The following DPRX variants were observed in gnomAD, a reference collection of about 807,000 sequenced individuals.
The protein encoded by DPRX is divergent-paired related homeobox.
In DPRX, 11 loss-of-function variants were observed where a neutral mutation model predicts 8.4. The observed-to-expected ratio is 1.31, with a 90% confidence interval of 0.82 to 2.17. The LOEUF (loss-of-function observed/expected upper bound fraction) is 2.17. Among genes scored for constraint, DPRX ranks in the 30% most tolerant of loss-of-function variants. DPRX has a pLI of 0.00. For missense variants in DPRX, 211 were observed against 236.7 expected (o/e 0.89, Z 0.71); for synonymous variants, 72 against 87.0 (o/e 0.83, Z 0.96).
At position 53,636,481 on chromosome 19, in the gene DPRX, TATAA is replaced by T. The variant is rs199917443; in HGVS notation, c.184-105_184-102del. The T allele has an allele frequency of 1.4e-3, 1,230 of 892,572 alleles. 20 individuals carry two copies. In the East Asian group the frequency reaches 0.028, roughly 20 times the overall value. 55.3% of individuals were successfully genotyped at this position (892,572 alleles called of 1,614,324 possible). On this transcript the variant is annotated intron_variant, in intron 2 of 2. Transcript: ENST00000376650. ...AAAACTTAAAGGTTAAAAAAAAGAA[TATAA>T]ATAAATAAAATACGTTTAACAAAAT...
the DPRX span, among the ~76,000 whole-genome samples, chr19:53,618,703 G>A: frequency 8.1e-6 from 1 of 122,934 alleles, no homozygotes; most frequent in South Asian, 2.6e-4. Flanking sequence ...TTTTTTTTTG[G>A]ACGGAGACTT....
the DPRX span, among the ~76,000 whole-genome samples, chr19:53,609,793 T>G: frequency 0.44 from 66,642 of 151,614 alleles, 14,995 homozygotes; most frequent in African/African-American, 0.52. Context: ...GGGACCAGCC[T>G]GGCCAACATG....
At chr19:53,631,575 A>G (rs530070852), upstream of DPRX, among the ~76,000 whole-genome samples, 5 of 152,158 alleles carry the variant, frequency 3.3e-5, no homozygotes, top group South Asian at 2.1e-4. Flanking sequence ...CCTGGCCAAC[A>G]TGGCGGAAAC....
chr19:53,632,617 G>C (rs1270556167), intron 1 of DPRX, among the ~76,000 whole-genome samples: 9 of 151,770 alleles, frequency 5.9e-5, no homozygotes, highest in Non-Finnish European at 1.3e-4. Flanking sequence ...CCCAAGTTTT[G>C]TATCTTTATA....
chr19:53,612,141 TG>T, the DPRX span, among the ~76,000 whole-genome samples: 19 of 148,946 alleles, frequency 1.3e-4, no homozygotes, highest in Non-Finnish European at 2.8e-4. Context: ...ACTAACACAT[TG>T]GGGGGCCAAG....
the DPRX span, among the ~76,000 whole-genome samples, chr19:53,619,517 A>G: frequency 6.6e-6 from 1 of 152,038 alleles, no homozygotes; most frequent in Non-Finnish European, 1.5e-5. Flanking sequence ...TCTACTAAAA[A>G]TACAAAAATT....
chr19:53,610,095 G>T, the DPRX span, among the ~76,000 whole-genome samples: 2 of 145,966 alleles, frequency 1.4e-5, no homozygotes, highest in African/African-American at 2.5e-5. Context: ...AGGTTGCCGT[G>T]AGCCGAGATT....
the DPRX span, among the ~76,000 whole-genome samples, chr19:53,616,047 G>T: frequency 4.6e-4 from 70 of 152,268 alleles, no homozygotes; most frequent in African/African-American, 1.5e-3. Context: ...AAGGTCAGCA[G>T]TTCGAGACCA....
the DPRX span, chr19:53,617,199 T>A: frequency 1.5e-5 from 14 of 914,224 alleles, no homozygotes; most frequent in Non-Finnish European, 2.6e-5. Flanking sequence ...CTATTGAGTT[T>A]TTTTCACGGC....
At chr19:53,618,099 TGCC>T in the DPRX span, among the ~76,000 whole-genome samples, 1 of 143,976 alleles carries the variant, frequency 6.9e-6, no homozygotes, top group Non-Finnish European at 1.6e-5. Flanking sequence ...CCTAGATCGC[TGCC>T]ACTGCACTCC....
exon 2 of DPRX, chr19:53,634,652 C>A: frequency 6.2e-7 from 1 of 1,613,924 alleles, no homozygotes; most frequent in Non-Finnish European, 8.5e-7. Flanking sequence ...AAGAAATGGC[C>A]TCGAAAATAG....
At chr19:53,608,128 G>A in the DPRX span, 6 of 141,426 alleles carry the variant, frequency 4.2e-5, no homozygotes, top group African/African-American at 1.6e-4. Context: ...CCGAGATCGT[G>A]CCACTGCACT....
the DPRX span, among the ~76,000 whole-genome samples, chr19:53,608,877 G>T: frequency 6.8e-6 from 1 of 147,156 alleles, no homozygotes; most frequent in Non-Finnish European, 1.5e-5. Flanking sequence ...ATGGTGTGAA[G>T]CTGGGAGGCA....
the DPRX span, among the ~76,000 whole-genome samples, chr19:53,619,690 CAAAAAA>C: frequency 9.3e-6 from 1 of 107,798 alleles, no homozygotes; most frequent in Non-Finnish European, 2.1e-5. Context: ...AAAAAAAAAA[CAAAAAA>C]CAGAAAAAAT....
the DPRX span, among the ~76,000 whole-genome samples, chr19:53,609,466 C>CAAAAAAAAAAAAAAAAAAAAAAAAAAAA: frequency 1.8e-5 from 1 of 55,486 alleles, no homozygotes; most frequent in Non-Finnish European, 3.1e-5. Context: ...GACTCGGTCT[C>CAAAAAAAAAAAAAAAAAAAAAAAAAAAA]AAAAAAAAAA....
the DPRX span, among the ~76,000 whole-genome samples, chr19:53,610,326 AG>A: frequency 4.1e-5 from 1 of 24,140 alleles, no homozygotes; most frequent in African/African-American, 2.3e-4. Flanking sequence ...TCTCGAAAAA[AG>A]AAAAAAGAAG....
the DPRX span, among the ~76,000 whole-genome samples, chr19:53,608,953 CAAAA>C: frequency 1.7e-3 from 132 of 76,914 alleles, 1 homozygote; most frequent in African/African-American, 5.0e-3. Flanking sequence ...GAGACTCCGT[CAAAA>C]AAAAAAAAAA....
the DPRX span, among the ~76,000 whole-genome samples, chr19:53,616,478 G>C: frequency 0.033 from 5,043 of 152,048 alleles, 166 homozygotes; most frequent in African/African-American, 0.081. Flanking sequence ...TACTGGACCT[G>C]GCATGGTGGC....
At chr19:53,611,544 G>T in the DPRX span, among the ~76,000 whole-genome samples, 1 of 151,878 alleles carries the variant, frequency 6.6e-6, no homozygotes, top group Non-Finnish European at 1.5e-5. Context: ...TAATATTTAT[G>T]GTGGAAATAA....
Sources: gnomAD v4.1 joint callset for allele counts (sites outside exome capture counted in the v4.1 genomes callset) on GRCh38, gnomAD v4.1.1 for gene constraint, MANE v1.5 for transcripts, NCBI Gene and HGNC (gene_info 2026-07-23, HGNC 2026-07-21) for gene names.